Variants in ACAN observed in about 807,000 individuals in gnomAD.
ACAN encodes the protein aggrecan.
ACAN carries 47 observed loss-of-function variants against 169.1 expected under a neutral mutation model. The ratio of observed to expected loss-of-function variants is 0.28; its 90% CI spans 0.22 to 0.35. The LOEUF (loss-of-function observed/expected upper bound fraction) is 0.35, where lower values mean the gene tolerates loss of function less well. Among genes scored for constraint, ACAN ranks in the 10% least tolerant of loss-of-function variants. The pLI, the probability that ACAN is intolerant of heterozygous loss-of-function variation, is 1.00. For synonymous variants in ACAN, 1,115 were observed against 1,112.2 expected (o/e 1.00, Z -0.05); for missense variants, 2,716 against 2,759.9 (o/e 0.98, Z 0.36).
chr15:88,828,080 A>G (rs16942260), intron 1 of ACAN, among the ~76,000 whole-genome samples: 7,263 of 152,300 alleles, frequency 0.048, 572 homozygotes, highest in African/African-American at 0.17. Context: ...GGTCATAACA[A>G]CAAGAAATGA....
rs1896769380 is a variant in ACAN, at chr15:88,845,491, T to A, written c.1052-14T>A. The A allele has an allele frequency of 1.9e-6, 3 of 1,584,796 alleles. No homozygotes were observed. Among genetic ancestry groups the A allele is most frequent in the Admixed American group, 3.4e-5 (2 of 58,732 alleles). ...AGGCTGAGAGGCTAAAGCTTGTCTT[T>A]GCCCCTCCCCTAGGTGAAGACTTTG... On this transcript the variant is annotated splice_polypyrimidine_tract_variant and intron_variant, in intron 6 of 18. Transcript: ENST00000560601.
chr15:88,847,653 G>A (rs531335110), intron 8 of ACAN, among the ~76,000 whole-genome samples: 35 of 152,268 alleles, frequency 2.3e-4, no homozygotes, highest in Admixed American at 9.2e-4. Context: ...CAAGTGCCCC[G>A]TTCCCCTCCA....
At position 88,847,202 on chromosome 15, in the gene ACAN, C is replaced by A. The variant is rs114350931; in HGVS notation, c.1430-41C>A. ...CCATGGAGCCTTGGAAGCTGCACAC[C>A]GTGGGTCCCTGAACCTGACCGCTCC... On this transcript the variant is annotated intron_variant, in intron 7 of 18. Transcript: ENST00000560601. 5.4e-3 allele frequency: 8,182 copies of A among 1,506,078 alleles called. 364 individuals are homozygous for A. The African/African-American group carries it at 0.1, about 18-fold the overall frequency. 93.3% of individuals were successfully genotyped at this position (1,506,078 alleles called of 1,614,324 possible). A position where few individuals can be genotyped will look rare whatever the true frequency, so the allele number is the denominator to read the frequency against.
In ACAN at chr15:88,840,331, C is replaced by A. The variant is rs139992321; in HGVS notation, c.629+145C>A. On this transcript the variant is annotated intron_variant, in intron 4 of 18. Coordinates refer to ENST00000560601, the MANE Select transcript of ACAN (RefSeq NM_001369268.1). ...CCTAGGTTAGAGGCCGTGGTCACAC[C>A]TTGGCCAAACAGCAGCTCAATGACC... 1.3e-3 allele frequency: 1,358 copies of A among 1,008,834 alleles called. 3 individuals carry two copies. The highest frequency in any genetic ancestry group is 1.7e-3 in the South Asian group (90 of 53,306). The allele number at this position is 1,008,834 out of a possible 1,614,324, so 62.5% of individuals were successfully genotyped here. A position where few individuals can be genotyped will look rare whatever the true frequency, so the allele number is the denominator to read the frequency against.
chr15:88,857,549 G>A lies in ACAN; in HGVS notation c.4964G>A (p.Gly1655Glu). ...GLPDFSGLPS[G>E]FPTVSLVDST... ...CCTGACTTTAGTGGACTTCCATCTG[G>A]ATTCCCAACTGTTTCCCTAGTGGAT... The change falls in exon 12 of 19, where the codon GGA becomes GAA. Residue 1655 changes from glycine (G) to glutamate (E), a missense_variant. Gly to Glu is a moderately conservative substitution (Grantham distance 98). Coordinates refer to ENST00000560601, the MANE Select transcript of ACAN (RefSeq NM_001369268.1). 1.9e-6 allele frequency: 3 copies of A among 1,613,984 alleles called. No homozygotes were observed. Among genetic ancestry groups the A allele is most frequent in the Non-Finnish European group, 2.5e-6 (3 of 1,179,898 alleles).
In ACAN at chr15:88,871,951, G is replaced by T. The variant is rs866273847; in HGVS notation, c.7220-52G>T. 6.1e-5 allele frequency: 93 copies of T among 1,515,162 alleles called. 1 individual carries two copies. The South Asian group carries it at 9.8e-4, about 16-fold the overall frequency. 93.9% of individuals were successfully genotyped at this position (1,515,162 alleles called of 1,614,324 possible). ...TGCCTCCGTGAGCTCAAGTTTCTCA[G>T]ACACCCTCAGGGTGTCCAGTGTGAT... On this transcript the variant is annotated intron_variant, in intron 15 of 18. Transcript: ENST00000560601. This position sits in a 1 kb window ranked among gnomAD's most constrained non-coding sequence, Gnocchi z 7.8.
chr15:88,851,655 G>A lies in ACAN; in HGVS notation c.2027-139G>A. 9.7e-7 allele frequency: 1 copy of A among 1,032,114 alleles called. No homozygotes were observed. The allele number at this position is 1,032,114 out of a possible 1,614,324, so 63.9% of individuals were successfully genotyped here. A position where few individuals can be genotyped will look rare whatever the true frequency, so the allele number is the denominator to read the frequency against. On this transcript the variant is annotated intron_variant, in intron 10 of 18. Coordinates refer to ENST00000560601, the MANE Select transcript of ACAN (RefSeq NM_001369268.1). This position sits in a 1 kb window ranked among gnomAD's most constrained non-coding sequence, Gnocchi z 4.3. ...GGTGCCGATGGCTCTTACTAAGCGAGAAGGCAAACAGCCATCTGCTGAACT... is the reference window on the plus strand; with the variant it reads ...GGTGCCGATGGCTCTTACTAAGCGAAAAGGCAAACAGCCATCTGCTGAACT...
At position 88,862,892 on chromosome 15, in the gene ACAN, G is replaced by A. The variant is rs539330653; in HGVS notation, c.6946+2453G>A. Among the ~76,000 whole-genome samples, 15 of 152,000 alleles carry A rather than the reference G, an allele frequency of 9.9e-5. No individual in the cohort carries two copies. In the South Asian group the frequency reaches 2.9e-3, roughly 30 times the overall value. ...GCACCCCTGTAATCCTAGCTACTCGGGAGGCTGAGGCAGGAGAACTGTTTG... is the reference window on the plus strand; with the variant it reads ...GCACCCCTGTAATCCTAGCTACTCGAGAGGCTGAGGCAGGAGAACTGTTTG... On this transcript the variant is annotated intron_variant, in intron 13 of 18. Transcript: ENST00000560601.
chr15:88,865,397 C>A lies in ACAN; in HGVS notation c.6947-2819C>A, dbSNP rs117285575. 7.0e-3 allele frequency among the ~76,000 whole-genome samples: 1,069 copies of A among 152,322 alleles called. 49 individuals are homozygous for A. Among genetic ancestry groups the A allele is most frequent in the Admixed American group, 0.055 (846 of 15,300 alleles). On this transcript the variant is annotated intron_variant, in intron 13 of 18. Transcript: ENST00000560601. Reference sequence around the variant, plus strand: ...CTGTCTCCCCAACACCCAGGTTGGGCAAGTCACCTCACTTGTTTTCTTTCT... The same window carrying A: ...CTGTCTCCCCAACACCCAGGTTGGGAAAGTCACCTCACTTGTTTTCTTTCT...
At position 88,838,169 on chromosome 15, in the gene ACAN, G is replaced by T. The variant is rs534820154; in HGVS notation, c.71-494G>T. Reference sequence around the variant, plus strand: ...TTGTCCCGGTGGCAAAATCAGGCTCGCACCCAAAAGCAGACCTCCCCAAAT... The same window carrying T: ...TTGTCCCGGTGGCAAAATCAGGCTCTCACCCAAAAGCAGACCTCCCCAAAT... On this transcript the variant is annotated intron_variant, in intron 2 of 18. Coordinates refer to ENST00000560601, the MANE Select transcript of ACAN (RefSeq NM_001369268.1). This position sits in a 1 kb window ranked among gnomAD's most constrained non-coding sequence, Gnocchi z 5.1. Among the ~76,000 whole-genome samples, 1 of 151,966 alleles carries T rather than the reference G, an allele frequency of 6.6e-6. No individual in the cohort carries two copies. The highest frequency in any genetic ancestry group is 2.1e-4 in the South Asian group (1 of 4,808).
chr15:88,822,134 C>G (rs150202990), intron 1 of ACAN, among the ~76,000 whole-genome samples: 155 of 152,358 alleles, frequency 1.0e-3, no homozygotes, highest in African/African-American at 3.6e-3. Flanking sequence ...TCTCCAGTCC[C>G]TCCAGAGGTC....
chr15:88,841,288 T>C (rs779215841), intron 4 of ACAN, among the ~76,000 whole-genome samples: 1 of 152,204 alleles, frequency 6.6e-6, no homozygotes, highest in African/African-American at 2.4e-5. Flanking sequence ...TGGGTTGACA[T>C]GAGACTCAAA....
At chr15:88,805,230 G>A (rs1304038366) in intron 1 of ACAN, among the ~76,000 whole-genome samples, 3 of 152,158 alleles carry the variant, frequency 2.0e-5, no homozygotes, top group African/African-American at 7.2e-5. Context: ...GAGGCACTAT[G>A]AAGATACGGT....
rs116412776 is a variant in ACAN, at chr15:88,868,618, G to A, written c.7060+289G>A. Among the ~76,000 whole-genome samples, 1,164 of 152,340 alleles carry A rather than the reference G, an allele frequency of 7.6e-3. 12 individuals carry two copies. The highest frequency in any genetic ancestry group is 0.026 in the African/African-American group (1,077 of 41,574). On this transcript the variant is annotated intron_variant, in intron 14 of 18. Transcript: ENST00000560601. The surrounding 1 kb of genome is among the most constrained non-coding windows in gnomAD (Gnocchi z 5.2). ...GGTTGGTGTATGGTTCAGACTAAGA[G>A]GACAGGGCTGATTCTGAGCACTTGT...
rs57985365 is a variant in ACAN at position 88,860,072 on chromosome 15, C to CTTTTTT, written c.6833-238_6833-233dup. On this transcript the variant is annotated intron_variant, in intron 12 of 18. Coordinates refer to ENST00000560601, the MANE Select transcript of ACAN (RefSeq NM_001369268.1). ...GCACTGGTAGCGGTAGCTGATTTTCCTTTTTTTTTTTTTTTTTTTTTGCTC... is the reference window on the plus strand; with the variant it reads ...GCACTGGTAGCGGTAGCTGATTTTCCTTTTTTTTTTTTTTTTTTTTTTTTTTTGCTC... Among the ~76,000 whole-genome samples, 241 of 102,880 alleles carry CTTTTTT rather than the reference C, an allele frequency of 2.3e-3. 12 individuals are homozygous for CTTTTTT. The highest frequency in any genetic ancestry group is 7.3e-3 in the African/African-American group (155 of 21,156). 67.5% of individuals were successfully genotyped at this position (102,880 alleles called of 152,430 possible). A position where few individuals can be genotyped will look rare whatever the true frequency, so the allele number is the denominator to read the frequency against.
chr15:88,830,606 C>G (rs1056573291), intron 1 of ACAN, among the ~76,000 whole-genome samples: 2 of 152,196 alleles, frequency 1.3e-5, no homozygotes, highest in East Asian at 3.9e-4. Flanking sequence ...AAATACTTCC[C>G]TCTGTGTATC....
chr15:88,836,405 C>T (rs2141557019), intron 2 of ACAN, 129 bp downstream of exon 2: 2 of 808,760 alleles, frequency 2.5e-6, no homozygotes, highest in South Asian at 1.5e-5. Flanking sequence ...TTTCCTGGCC[C>T]CACCCTTCCC....
rs1362554059 is a variant in ACAN at position 88,871,830 on chromosome 15, T to C, written c.7220-173T>C. On this transcript the variant is annotated intron_variant, in intron 15 of 18. Coordinates refer to ENST00000560601, the MANE Select transcript of ACAN (RefSeq NM_001369268.1). The surrounding 1 kb of genome is among the most constrained non-coding windows in gnomAD (Gnocchi z 7.8). ...CTTGGAGAGGTGGCCCGAAGTGCACTCCAGGCATGCACGTGCTGAGCCTCT... is the reference window on the plus strand; with the variant it reads ...CTTGGAGAGGTGGCCCGAAGTGCACCCCAGGCATGCACGTGCTGAGCCTCT... 6.6e-6 allele frequency among the ~76,000 whole-genome samples: 1 copy of C among 152,162 alleles called. No individual in the cohort carries two copies. The highest frequency in any genetic ancestry group is 1.9e-4 in the East Asian group (1 of 5,178).
At chr15:88,860,148 A>C (rs370244538) in intron 12 of ACAN, among the ~76,000 whole-genome samples, 178 bp from the exon 13 acceptor site, 1 of 134,954 alleles carries the variant, frequency 7.4e-6, no homozygotes, top group East Asian at 2.2e-4. Flanking sequence ...ACAGCTAGAG[A>C]GCTCCCCCCG....
Sources: allele counts gnomAD v4.1 joint callset (sites outside exome capture counted in the v4.1 genomes callset), GRCh38; gene constraint gnomAD v4.1.1; non-coding constraint Gnocchi (gnomAD v3.1); transcripts MANE v1.5; gene names NCBI Gene and HGNC (gene_info 2026-07-23, HGNC 2026-07-21).